Variants in GRIN2B observed in about 807,000 individuals in gnomAD.
GRIN2B encodes glutamate receptor ionotropic, NMDA 2B.
A neutral mutation model predicts 114.5 loss-of-function variants in GRIN2B; 5 were observed. The observed-to-expected ratio is 0.04, with a 90% confidence interval of 0.02 to 0.09. The LOEUF (loss-of-function observed/expected upper bound fraction) is 0.09, where lower values mean the gene tolerates loss of function less well. GRIN2B is among the 10% of genes least tolerant of loss of function. The pLI is 1.00. For synonymous variants in GRIN2B, 787 were observed against 745.1 expected, an observed-to-expected ratio of 1.06 and a Z score of -0.92; for missense variants, 1,108 against 1,943.5, an observed-to-expected ratio of 0.57 and a Z score of 8.08.
rs796052575 is a variant in GRIN2B at position 13,564,139 on chromosome 12, G to A, written c.3099C>T (p.Ser1033=). ...ATTTGCCGTACAGGTCACTGAGCTG[G>A]CTGTGCTTGGAGGAGGGGAGGCCGA... ...LDIGLPSSKH[S]QLSDLYGKFS... is the part of the protein sequence containing the mutation. Residue 1033 remains serine, a synonymous_variant, in exon 14 of 14, where the codon AGC becomes AGT. Coordinates refer to ENST00000609686, the MANE Select transcript of GRIN2B (RefSeq NM_000834.5). The surrounding 1 kb of genome is among the most constrained non-coding windows in gnomAD (Gnocchi z 4.8). 3 of 1,614,076 alleles carry A rather than the reference G, an allele frequency of 1.9e-6. No homozygotes were observed. The highest frequency in any genetic ancestry group is 2.7e-5 in the African/African-American group (2 of 74,930).
chr12:13,919,750 C>A (rs746648629), intron 2 of GRIN2B, among the ~76,000 whole-genome samples: 1 of 151,940 alleles, frequency 6.6e-6, no homozygotes, highest in African/African-American at 2.4e-5. Flanking sequence ...GAAGCTGATG[C>A]GGGGATCGTC....
chr12:13,766,247 T>C (rs1458046093), intron 3 of GRIN2B, among the ~76,000 whole-genome samples: 1 of 152,238 alleles, frequency 6.6e-6, no homozygotes, highest in Non-Finnish European at 1.5e-5. Context: ...GATAAAAATA[T>C]ATGAAATTAT....
intron 10 of GRIN2B, among the ~76,000 whole-genome samples, chr12:13,578,238 G>A (rs1028949501): frequency 6.6e-6 from 1 of 152,134 alleles, no homozygotes; most frequent in African/African-American, 2.4e-5. Context: ...ACAGGTCCAT[G>A]TCCCCTCCCT....
chr12:13,837,463 G>A (rs147662574), intron 3 of GRIN2B, among the ~76,000 whole-genome samples: 1 of 152,336 alleles, frequency 6.6e-6, no homozygotes, highest in East Asian at 1.9e-4. Context: ...CCCATTTGCA[G>A]GCTGGCAATC....
chr12:13,611,957 A>T (rs1033063701), intron 8 of GRIN2B, 107 bp from the exon 9 acceptor site: 16 of 1,139,104 alleles, frequency 1.4e-5, no homozygotes, highest in Non-Finnish European at 2.1e-5. Context: ...ACAAACCACA[A>T]TGTGTTGTCT....
intron 4 of GRIN2B, among the ~76,000 whole-genome samples, chr12:13,711,534 A>C (rs924363241): frequency 2.2e-4 from 33 of 152,140 alleles, no homozygotes; most frequent in African/African-American, 7.7e-4. Context: ...ATTTATAAGA[A>C]AAAAACAAAC....
chr12:13,803,792 AC>A (rs986727288), intron 3 of GRIN2B, among the ~76,000 whole-genome samples: 6 of 152,166 alleles, frequency 3.9e-5, no homozygotes, highest in African/African-American at 1.4e-4. Flanking sequence ...AAATGAAGCA[AC>A]ACACATGTGG....
At chr12:13,755,405 A>G (rs1805557) in intron 3 of GRIN2B, among the ~76,000 whole-genome samples, 1,916 of 152,212 alleles carry the variant, frequency 0.013, 41 homozygotes, top group African/African-American at 0.044. Flanking sequence ...CACATTTTCC[A>G]CAGGCTACCC....
intron 2 of GRIN2B, among the ~76,000 whole-genome samples, chr12:13,959,817 T>C (rs1867659695): frequency 6.8e-6 from 1 of 147,516 alleles, no homozygotes; most frequent in Non-Finnish European, 1.5e-5. Context: ...TGGGAGAACA[T>C]GCCAGGAGAG....
At chr12:13,660,292 C>T (rs1315341239) in intron 5 of GRIN2B, among the ~76,000 whole-genome samples, 1 of 152,138 alleles carries the variant, frequency 6.6e-6, no homozygotes, top group Non-Finnish European at 1.5e-5. Context: ...GGCTGCCTAC[C>T]ACATCATATT....
chr12:13,636,760 A>T (rs973549028), intron 5 of GRIN2B, among the ~76,000 whole-genome samples: 1 of 152,176 alleles, frequency 6.6e-6, no homozygotes, highest in Non-Finnish European at 1.5e-5. Context: ...ACAGCTTCAA[A>T]TCAAAGCCCA....
chr12:13,968,430 A>T (rs1489825004), intron 2 of GRIN2B, among the ~76,000 whole-genome samples: 2 of 152,172 alleles, frequency 1.3e-5, no homozygotes, highest in East Asian at 1.9e-4. Flanking sequence ...CATTTTACAG[A>T]TGAGGAAGTG....
At chr12:13,797,784 T>TA (rs1228241342) in intron 3 of GRIN2B, among the ~76,000 whole-genome samples, 5 of 152,180 alleles carry the variant, frequency 3.3e-5, no homozygotes, top group African/African-American at 1.2e-4. Context: ...AGAAATCTTA[T>TA]AAAAAAGTGT....
chr12:13,699,565 A>G (rs1950291760), intron 4 of GRIN2B, among the ~76,000 whole-genome samples: 1 of 152,070 alleles, frequency 6.6e-6, no homozygotes, highest in Non-Finnish European at 1.5e-5. Context: ...CTTGGAGAGG[A>G]GAAACCTACC....
rs755880051 is a variant in GRIN2B at position 13,562,942 on chromosome 12, C to T, written c.4296G>A (p.Ser1432=). 5.6e-6 allele frequency: 9 copies of T among 1,614,166 alleles called. No individual in the cohort carries two copies. The highest frequency in any genetic ancestry group is 7.6e-6 in the Non-Finnish European group (9 of 1,180,020). ...RALVTNKPVV[S]ALHGAVPARF... ...GGGCTGGCACGGCCCCATGAAGGGC[C>T]GAGACCACCGGCTTGTTGGTGACAA... The change falls in exon 14 of 14, where the codon TCG becomes TCA. Residue 1432 remains serine (S), a synonymous_variant. Transcript: ENST00000609686.
chr12:13,900,943 T>C (rs1866438888), intron 2 of GRIN2B, among the ~76,000 whole-genome samples: 1 of 152,194 alleles, frequency 6.6e-6, no homozygotes. Context: ...AGAATGTAGA[T>C]AAGACCTTTG....
intron 2 of GRIN2B, among the ~76,000 whole-genome samples, chr12:13,924,182 C>T (rs763674521): frequency 5.3e-5 from 8 of 152,046 alleles, no homozygotes; most frequent in South Asian, 2.1e-4. Flanking sequence ...CATGTAAAAG[C>T]GGTACACAGT....
At chr12:13,692,839 G>C (rs1015515548) in intron 4 of GRIN2B, among the ~76,000 whole-genome samples, 5 of 130,940 alleles carry the variant, frequency 3.8e-5, no homozygotes, top group Non-Finnish European at 6.2e-5. Flanking sequence ...TGCCATCTCA[G>C]CTCACTGCAA....
chr12:13,624,947 C>T (rs1246895615), intron 5 of GRIN2B, among the ~76,000 whole-genome samples: 1 of 152,266 alleles, frequency 6.6e-6, no homozygotes, highest in East Asian at 1.9e-4. Context: ...GGAGGTAGAG[C>T]AGACTCACCT....
Sources: gnomAD v4.1 joint callset for allele counts (sites outside exome capture counted in the v4.1 genomes callset) on GRCh38, gnomAD v4.1.1 for gene constraint, Gnocchi (gnomAD v3.1) non-coding constraint, MANE v1.5 for transcripts, NCBI Gene and HGNC (gene_info 2026-07-23, HGNC 2026-07-21) for gene names.